NIPSNAP1: variants seen among roughly 807,000 people sequenced by gnomAD.
The protein encoded by NIPSNAP1 is protein NipSnap homolog 1.
A neutral mutation model predicts 49.2 loss-of-function variants in NIPSNAP1; 25 were observed. That is an observed-to-expected ratio of 0.51 (90% CI 0.37 to 0.71). NIPSNAP1 has a LOEUF of 0.71. Among genes scored for constraint, NIPSNAP1 ranks in the 30% least tolerant of loss-of-function variants. The pLI, the probability that NIPSNAP1 is intolerant of heterozygous loss-of-function variation, is 0.00. For synonymous variants in NIPSNAP1, 143 were observed against 140.7 expected (o/e 1.02, Z -0.12); for missense variants, 294 against 361.0 (o/e 0.81, Z 1.50).
At chr22:29,558,420 G>T (rs1012114078) in intron 9 of NIPSNAP1, among the ~76,000 whole-genome samples, 27 of 152,130 alleles carry the variant, frequency 1.8e-4, no homozygotes, top group African/African-American at 6.3e-4. Flanking sequence ...AGTGAGCCAA[G>T]ATCATGCCAC....
At chr22:29,571,761 CTTTCT>C (rs779407280) in intron 1 of NIPSNAP1, among the ~76,000 whole-genome samples, 2 of 145,600 alleles carry the variant, frequency 1.4e-5, no homozygotes, top group Non-Finnish European at 3.1e-5. Context: ...AAGCCCTATC[CTTTCT>C]TTTCTTTTTT....
intron 9 of NIPSNAP1, among the ~76,000 whole-genome samples, chr22:29,556,312 G>A (rs987193303): frequency 1.3e-5 from 2 of 152,146 alleles, no homozygotes; most frequent in African/African-American, 4.8e-5. Context: ...ATCACCTGAG[G>A]TCAGGAGTTC....
Position 29,569,251 on chromosome 22 carries a change from G to T in NIPSNAP1, c.309C>A (p.Asp103Glu). Residue 103 changes from aspartate to glutamate, a missense_variant, in exon 4 of 10, where the codon GAC becomes GAA. Physicochemically the swap from Asp to Glu is conservative, Grantham distance 45. Transcript: ENST00000216121. ...AGTTGCCCACGAGTGAGCATGGGTA[G>T]TCCTCATCCAGGTGAAGCTTGGGCA... The part of the protein sequence containing the change: ...AVLPKLHLDE[D>E]YPCSLVGNWN... The T allele has an allele frequency of 6.2e-7, 1 of 1,614,044 alleles. No individual in the cohort carries two copies. Among genetic ancestry groups the T allele is most frequent in the Non-Finnish European group, 8.5e-7 (1 of 1,179,970 alleles).
rs564769856 is a variant in NIPSNAP1 at position 29,555,947 on chromosome 22, C to T, written c.843G>A (p.Ser281=). The change falls in exon 10 of 10, where the codon TCG becomes TCA. Residue 281 remains serine, a synonymous_variant. Coordinates refer to ENST00000216121, the MANE Select transcript of NIPSNAP1 (RefSeq NM_003634.4). ...ESRIMIPLKI[S]PLQ ...GGTGTAGGCAGCATCACTGCAGAGGCGAGATCTTCAAGGGGATCATGATCC... is the reference window on the plus strand; with the variant it reads ...GGTGTAGGCAGCATCACTGCAGAGGTGAGATCTTCAAGGGGATCATGATCC... 1.7e-5 allele frequency: 26 copies of T among 1,551,690 alleles called. No homozygotes were observed. Among genetic ancestry groups the T allele is most frequent in the Non-Finnish European group, 2.1e-5 (24 of 1,146,976 alleles).
intron 4 of NIPSNAP1, among the ~76,000 whole-genome samples, chr22:29,563,281 CA>C (rs2064348824): frequency 6.6e-6 from 1 of 150,870 alleles, no homozygotes; most frequent in African/African-American, 2.4e-5. Context: ...AATAAATAAT[CA>C]ACTTTGGGAG....
chr22:29,568,035 C>T (rs1352389392), intron 4 of NIPSNAP1, among the ~76,000 whole-genome samples: 1 of 149,382 alleles, frequency 6.7e-6, no homozygotes, highest in Admixed American at 6.7e-5. Context: ...AAAAATTAGC[C>T]GAGCATGGTG....
chr22:29,557,479 G>C (rs1204628279), intron 9 of NIPSNAP1, among the ~76,000 whole-genome samples: 1 of 151,932 alleles, frequency 6.6e-6, no homozygotes, highest in African/African-American at 2.4e-5. Context: ...CCAGGCTGGA[G>C]TGCAATGGCA....
At chr22:29,568,412 G>A (rs2064382962) in intron 4 of NIPSNAP1, among the ~76,000 whole-genome samples, 1 of 151,212 alleles carries the variant, frequency 6.6e-6, no homozygotes, top group African/African-American at 2.4e-5. Context: ...CAACTCAGGA[G>A]GTGGAGGTTG....
intron 4 of NIPSNAP1, among the ~76,000 whole-genome samples, chr22:29,568,926 C>T (rs1229089138): frequency 6.6e-6 from 1 of 152,148 alleles, no homozygotes; most frequent in Non-Finnish European, 1.5e-5. Flanking sequence ...GAACTGAGTC[C>T]TGGGTGGGAC....
chr22:29,569,973 G>A, intron 3 of NIPSNAP1, 189 bp downstream of exon 3: 1 of 626,882 alleles, frequency 1.6e-6, no homozygotes. Flanking sequence ...TGGGCAACGA[G>A]AGCAAAACTC....
Position 29,555,747 on chromosome 22 carries a change from G to C in NIPSNAP1, c.*188C>G. 2 of 619,940 alleles carry C rather than the reference G, an allele frequency of 3.2e-6. No homozygotes were observed. Among genetic ancestry groups the C allele is most frequent in the Non-Finnish European group, 5.9e-6 (2 of 337,798 alleles). 38.4% of individuals were successfully genotyped at this position (619,940 alleles called of 1,614,324 possible). A position where few individuals can be genotyped will look rare whatever the true frequency, so the allele number is the denominator to read the frequency against. Reference sequence around the variant, plus strand: ...GGGAGGGAGGCAGGCAGGGAAAGTAGAAAGGGCCTGGGCAGAGCTGTAATC... The same window carrying C: ...GGGAGGGAGGCAGGCAGGGAAAGTACAAAGGGCCTGGGCAGAGCTGTAATC... On this transcript the variant is annotated 3_prime_UTR_variant, in exon 10 of 10. Coordinates refer to ENST00000216121, the MANE Select transcript of NIPSNAP1 (RefSeq NM_003634.4).
At chr22:29,559,033 C>T (rs1697238483) in intron 8 of NIPSNAP1, 80 bp from the exon 9 acceptor site, 2 of 990,694 alleles carry the variant, frequency 2.0e-6, no homozygotes, top group Non-Finnish European at 3.2e-6. Context: ...TTCCCACTGT[C>T]CCCTAAACCC....
intron 4 of NIPSNAP1, 40 bp downstream of exon 4, chr22:29,569,153 C>G (rs2064388287): frequency 1.3e-6 from 2 of 1,554,520 alleles, no homozygotes; most frequent in Non-Finnish European, 8.9e-7. Context: ...GAGGCCAGGG[C>G]TGGGCAGTGG....
chr22:29,557,221 T>G (rs967961200), intron 9 of NIPSNAP1, among the ~76,000 whole-genome samples: 6 of 148,700 alleles, frequency 4.0e-5, no homozygotes, highest in African/African-American at 1.5e-4. Flanking sequence ...TGGGTTCAAG[T>G]GATTCTTGTG....
chr22:29,558,196 G>A (rs1428031248), intron 9 of NIPSNAP1, among the ~76,000 whole-genome samples: 2 of 152,052 alleles, frequency 1.3e-5, no homozygotes, highest in East Asian at 3.9e-4. Flanking sequence ...TGGGCCAGAT[G>A]TGGTGGCTCA....
Position 29,581,092 on chromosome 22 carries a change from G to T in NIPSNAP1, c.-10C>A. ...ACAGCCGCGGAGCCATGTTGGAGCCGCAAAGGTTGCAGGAAGGCCCCGCCC... is the reference window on the plus strand; with the variant it reads ...ACAGCCGCGGAGCCATGTTGGAGCCTCAAAGGTTGCAGGAAGGCCCCGCCC... On this transcript the variant is annotated 5_prime_UTR_variant, in exon 1 of 10. Transcript: ENST00000216121. 6.5e-7 allele frequency: 1 copy of T among 1,540,638 alleles called. No individual in the cohort carries two copies. Among genetic ancestry groups the T allele is most frequent in the Non-Finnish European group, 8.7e-7 (1 of 1,145,790 alleles).
At chr22:29,578,015 C>G (rs6006195) in intron 1 of NIPSNAP1, among the ~76,000 whole-genome samples, 2 of 150,804 alleles carry the variant, frequency 1.3e-5, no homozygotes, top group African/African-American at 5.0e-5. Context: ...TCTCCTGCCT[C>G]AGCCTCCAGA....
chr22:29,568,496 G>GAAAAAAAA (rs695602), intron 4 of NIPSNAP1, among the ~76,000 whole-genome samples: 4 of 111,462 alleles, frequency 3.6e-5, no homozygotes, highest in Admixed American at 9.5e-5. Context: ...AAAGAAAAAA[G>GAAAAAAAA]AAAAAAAAAA....
intron 1 of NIPSNAP1, chr22:29,580,142 C>T (rs1051745767): frequency 1.5e-5 from 19 of 1,304,008 alleles, no homozygotes. Context: ...CCTGAGCCCT[C>T]TGAGGGTGGG....
Sources: gnomAD v4.1 joint callset for allele counts (sites outside exome capture counted in the v4.1 genomes callset) on GRCh38, gnomAD v4.1.1 for gene constraint, MANE v1.5 for transcripts, NCBI Gene and HGNC (gene_info 2026-07-23, HGNC 2026-07-21) for gene names.